The following GRIN1 variants were observed in gnomAD, a reference collection of about 807,000 sequenced individuals.
The protein encoded by GRIN1 is glutamate receptor ionotropic, NMDA 1.
A neutral mutation model predicts 103.0 loss-of-function variants in GRIN1; 38 were observed. The observed-to-expected ratio is 0.37, with a 90% CI of 0.28 to 0.48. The LOEUF is 0.48. Among genes scored for constraint, GRIN1 ranks in the 20% least tolerant of loss-of-function variants. GRIN1 has a pLI of 0.98. For missense variants in GRIN1, 577 were observed against 1,288.9 expected (o/e 0.45, Z 8.46); for synonymous variants, 544 against 532.7 (o/e 1.02, Z -0.29).
intron 5 of GRIN1, 31 bp from the exon 6 acceptor site, chr9:137,156,832 C>T: frequency 6.2e-7 from 1 of 1,606,988 alleles, no homozygotes; most frequent in Non-Finnish European, 8.5e-7. Flanking sequence ...CGGGGAGGAC[C>T]CCACGGGCTC....
At chr9:137,154,658 G>A (rs1031349273) in intron 4 of GRIN1, among the ~76,000 whole-genome samples, 1 of 151,476 alleles carries the variant, frequency 6.6e-6, no homozygotes, top group African/African-American at 2.4e-5. Context: ...CTCCATGTTG[G>A]TCAGGCTGGT....
At position 137,162,261 on chromosome 9, in the gene GRIN1, C is replaced by T; in HGVS notation, c.1722C>T (p.Ala574=). The change falls in exon 12 of 20, where the codon GCC becomes GCT. Residue 574 remains alanine (A), a synonymous_variant. Transcript: ENST00000371561. ...TGGGGCTGTCGGTGCACGTGGTGGC[C>T]GTGATGCTGTACCTGCTGGACCGCT... The part of the protein sequence containing the change: ...LLVGLSVHVV[A]VMLYLLDRFS... 2 of 1,546,110 alleles carry T rather than the reference C, an allele frequency of 1.3e-6. No individual in the cohort carries two copies. Among genetic ancestry groups the T allele is most frequent in the Non-Finnish European group, 1.7e-6 (2 of 1,150,622 alleles).
At chr9:137,148,938 C>T in intron 3 of GRIN1, 71 bp from the exon 4 acceptor site, 2 of 1,151,886 alleles carry the variant, frequency 1.7e-6, no homozygotes, top group Non-Finnish European at 2.6e-6. Context: ...GCGGCTCCGG[C>T]CCAACTCTCA....
chr9:137,150,521 C>T (rs370246098), intron 4 of GRIN1, among the ~76,000 whole-genome samples: 5 of 150,058 alleles, frequency 3.3e-5, no homozygotes, highest in African/African-American at 1.2e-4. Context: ...AAAAGCCCCG[C>T]CCAGAAAAAG....
At chr9:137,145,144 C>A (rs63749777) in intron 2 of GRIN1, among the ~76,000 whole-genome samples, 2 of 1,094 alleles carry the variant, frequency 1.8e-3, no homozygotes, top group African/African-American at 7.0e-3. Flanking sequence ...GGGTGGGGAC[C>A]GGGGTGAGAG....
intron 19 of GRIN1, 147 bp downstream of exon 19, chr9:137,165,443 G>T (rs1019293263): frequency 1.5e-6 from 1 of 689,044 alleles, no homozygotes; most frequent in East Asian, 2.7e-5. Context: ...TGCCCAGCCC[G>T]CCCATGCTGC....
Position 137,145,735 on chromosome 9 carries a change from C to T in GRIN1, c.403C>T (p.Leu135=), listed in dbSNP as rs200400213. ...CCCCCGCCTCCCGCAGAGCATCCAC[C>T]TGAGCTTCCTGCGCACCGTGCCGCC... The part of the protein sequence containing the change: ...MSIYSDKSIH[L]SFLRTVPPYS... Residue 135 remains leucine, a synonymous_variant, in exon 3 of 20, where the codon CTG becomes TTG. Transcript: ENST00000371561. The T allele has an allele frequency of 2.2e-5, 35 of 1,613,048 alleles. No individual in the cohort carries two copies. The African/African-American group carries it at 3.9e-4, about 18-fold the overall frequency.
intron 2 of GRIN1, among the ~76,000 whole-genome samples, chr9:137,144,719 T>G (rs1406421450): frequency 1.7e-5 from 2 of 121,068 alleles, no homozygotes; most frequent in African/African-American, 7.5e-5. Context: ...GTCTAGAAAG[T>G]GTCCCCAGGG....
chr9:137,158,281 CA>C, intron 6 of GRIN1, 97 bp from the exon 7 acceptor site: 12 of 1,322,852 alleles, frequency 9.1e-6, no homozygotes, highest in Non-Finnish European at 1.3e-5. Flanking sequence ...GGAGAAGGAG[CA>C]GGGGGAAGGA....
rs892732958 is a variant in GRIN1, at chr9:137,162,216, G to A, written c.1677G>A (p.Gln559=). ...STLDSFMQPF[Q]STLWLLVGLS... ...TGGACTCGTTCATGCAGCCGTTCCA[G>A]AGCACACTGTGGCTGCTGGTGGGGC... The change falls in exon 12 of 20, where the codon CAG becomes CAA. Residue 559 remains glutamine (Q), a synonymous_variant. Coordinates refer to ENST00000371561, the MANE Select transcript of GRIN1 (RefSeq NM_007327.4). The A allele has an allele frequency of 2.6e-6, 4 of 1,544,708 alleles. No individual in the cohort carries two copies. The African/African-American group carries it at 4.1e-5, about 16-fold the overall frequency.
chr9:137,139,466 C>T lies in GRIN1; in HGVS notation c.-21C>T. ...GGCCCCGCGTTCGCGCCGCGCAGAGCCAGGCCCGCGGCCCGAGCCCATGAG... is the reference window on the plus strand; with the variant it reads ...GGCCCCGCGTTCGCGCCGCGCAGAGTCAGGCCCGCGGCCCGAGCCCATGAG... On this transcript the variant is annotated 5_prime_UTR_variant, in exon 1 of 20. Transcript: ENST00000371561. The surrounding 1 kb of genome is among the most constrained non-coding windows in gnomAD (Gnocchi z 7.7). 2 of 1,540,638 alleles carry T rather than the reference C, an allele frequency of 1.3e-6. No homozygotes were observed. The highest frequency in any genetic ancestry group is 1.7e-6 in the Non-Finnish European group (2 of 1,143,936).
In GRIN1 at chr9:137,139,678, C is replaced by A; in HGVS notation, c.192C>A (p.Ser64=). The stretch of plus-strand genomic sequence containing the variant: ...GGAAGATTCAGCTCAATGCCACCTC[C>A]GTCACGCACAAGCCCAACGCCATCC... ...GSWKIQLNAT[S]VTHKPNAIQM... is the part of the protein sequence containing the mutation. The change falls in exon 1 of 20, where the codon TCC becomes TCA. Residue 64 remains serine, a synonymous_variant. Transcript: ENST00000371561. This position sits in a 1 kb window ranked among gnomAD's most constrained non-coding sequence, Gnocchi z 7.7. 1 of 1,613,868 alleles carries A rather than the reference C, an allele frequency of 6.2e-7. No homozygotes were observed. Among genetic ancestry groups the A allele is most frequent in the Non-Finnish European group, 8.5e-7 (1 of 1,179,860 alleles).
At chr9:137,150,882 T>TA (rs201747646) in intron 4 of GRIN1, among the ~76,000 whole-genome samples, 1,418 of 41,158 alleles carry the variant, frequency 0.034, 32 homozygotes, top group African/African-American at 0.11. Flanking sequence ...GCCCCGCCCA[T>TA]AAAAAAGCCC....
At position 137,163,199 on chromosome 9, in the gene GRIN1, G is replaced by A. The variant is rs764407196; in HGVS notation, c.2202G>A (p.Ala734=). Residue 734 remains alanine (A), a synonymous_variant, in exon 16 of 20, where the codon GCG becomes GCA. Coordinates refer to ENST00000371561, the MANE Select transcript of GRIN1 (RefSeq NM_007327.4). ...NKLHAFIWDS[A]VLEFEASQKC... ...TGCATGCCTTCATCTGGGACTCGGC[G>A]GTGCTGGAGTTCGAGGCCTCGCAGA... 1.9e-6 allele frequency: 3 copies of A among 1,613,376 alleles called. No homozygotes were observed. Among genetic ancestry groups the A allele is most frequent in the East Asian group, 4.5e-5 (2 of 44,890 alleles).
At chr9:137,143,748 C>A (rs1832302105) in intron 2 of GRIN1, among the ~76,000 whole-genome samples, 1 of 152,326 alleles carries the variant, frequency 6.6e-6, no homozygotes, top group African/African-American at 2.4e-5. Flanking sequence ...ATTTTTGCAC[C>A]CCAAGGCACT....
Position 137,157,052 on chromosome 9 carries a change from C to T in GRIN1, c.968+15C>T, listed in dbSNP as rs1360781793. The T allele has an allele frequency of 6.2e-7, 1 of 1,600,220 alleles. No individual in the cohort carries two copies. The highest frequency in any genetic ancestry group is 2.2e-5 in the East Asian group (1 of 44,446). On this transcript the variant is annotated intron_variant, in intron 6 of 19. Coordinates refer to ENST00000371561, the MANE Select transcript of GRIN1 (RefSeq NM_007327.4). ...CTCTTCAAGAGGTGGGCGGGGCCTC[C>T]CCGGAGCTGGGCGGGGCTGCTCTTG...
chr9:137,158,745 A>G (rs1385718934), intron 8 of GRIN1, 41 bp downstream of exon 8: 2 of 1,426,198 alleles, frequency 1.4e-6, no homozygotes, highest in Middle Eastern at 1.8e-4. Context: ...CCCACCCCAG[A>G]CAGCCCATCC....
chr9:137,145,686 G>C, intron 2 of GRIN1, 40 bp from the exon 3 acceptor site: 1 of 1,580,884 alleles, frequency 6.3e-7, no homozygotes, highest in South Asian at 1.1e-5. Context: ...GCGGGTCCCC[G>C]CGGGTCCACC....
chr9:137,150,079 C>T (rs962886114), intron 4 of GRIN1, among the ~76,000 whole-genome samples: 1 of 152,194 alleles, frequency 6.6e-6, no homozygotes, highest in Non-Finnish European at 1.5e-5. Context: ...CTTAGAGCTG[C>T]CCACGGGGCC....
Sources: allele counts gnomAD v4.1 joint callset (sites outside exome capture counted in the v4.1 genomes callset), GRCh38; gene constraint gnomAD v4.1.1; non-coding constraint Gnocchi (gnomAD v3.1); transcripts MANE v1.5; gene names NCBI Gene and HGNC (gene_info 2026-07-23, HGNC 2026-07-21).